The following UBE4B variants were observed in gnomAD, a reference collection of about 807,000 sequenced individuals.
The protein encoded by UBE4B is ubiquitination factor E4B.
In UBE4B, 27 loss-of-function variants were observed where a neutral mutation model predicts 148.1. That is an observed-to-expected ratio of 0.18 (90% CI 0.13 to 0.25). The LOEUF is 0.25. Among genes scored for constraint, UBE4B ranks in the 10% least tolerant of loss-of-function variants. The pLI is 1.00. For synonymous variants in UBE4B, 596 were observed against 619.3 expected, an observed-to-expected ratio of 0.96 and a Z score of 0.56; for missense variants, 1,170 against 1,662.4, an observed-to-expected ratio of 0.70 and a Z score of 5.15.
chr1:10,038,795 G>A (rs932480302), intron 1 of UBE4B, among the ~76,000 whole-genome samples: 22 of 151,954 alleles, frequency 1.4e-4, no homozygotes, highest in African/African-American at 4.4e-4. Context: ...TGCCTGTCGC[G>A]TTAAAAATTT....
rs762555563 is a variant in UBE4B, at chr1:10,149,232, G to T, written c.2640G>T (p.Leu880Phe). 1 of 1,611,150 alleles carries T rather than the reference G, an allele frequency of 6.2e-7. No homozygotes were observed. Among genetic ancestry groups the T allele is most frequent in the Admixed American group, 1.7e-5 (1 of 59,426 alleles). ...NSDVPKVFAA[L>F]PEFYVEDVAE... The stretch of plus-strand genomic sequence containing the variant: ...ATGTCCCCAAGGTATTTGCAGCGTT[G>T]CCTGAGTTTTATGTAGAAGATGTTG... Residue 880 changes from leucine (L) to phenylalanine (F), a missense_variant, in exon 20 of 28, where the codon TTG becomes TTT. By Grantham distance (22) the Leu-to-Phe change is conservative. Around this residue, in one of 6 missense-constraint regions of UBE4B, gnomAD observed 348 missense variants for 627.2 expected, o/e 0.55. Transcript: ENST00000343090.
intron 1 of UBE4B, among the ~76,000 whole-genome samples, chr1:10,067,235 T>G (rs1016266538): frequency 1.3e-5 from 2 of 152,100 alleles, no homozygotes; most frequent in African/African-American, 4.8e-5. Flanking sequence ...TATAACAGAT[T>G]AGGAGAAAGC....
intron 15 of UBE4B, among the ~76,000 whole-genome samples, chr1:10,133,085 G>A (rs1048155309): frequency 6.6e-6 from 1 of 152,156 alleles, no homozygotes; most frequent in African/African-American, 2.4e-5. Flanking sequence ...ACCCAAGGGG[G>A]CAGCCAGGAA....
intron 1 of UBE4B, among the ~76,000 whole-genome samples, chr1:10,069,833 T>G (rs548304617): frequency 6.6e-6 from 1 of 152,190 alleles, no homozygotes; most frequent in African/African-American, 2.4e-5. Context: ...AGATGTGCAG[T>G]GTACGGATGT....
intron 2 of UBE4B, among the ~76,000 whole-genome samples, chr1:10,082,146 T>C (rs999748175): frequency 7.2e-5 from 11 of 152,172 alleles, no homozygotes; most frequent in African/African-American, 2.2e-4. Flanking sequence ...TATTTAAATC[T>C]CCCTATGCAG....
intron 24 of UBE4B, 135 bp from the exon 25 acceptor site, chr1:10,171,003 A>G: frequency 2.3e-6 from 2 of 851,580 alleles, no homozygotes; most frequent in South Asian, 3.9e-5. Context: ...TCTTCAGCTT[A>G]TGATACACAG....
chr1:10,108,442 A>C (rs1262276895), intron 7 of UBE4B, among the ~76,000 whole-genome samples: 1 of 152,158 alleles, frequency 6.6e-6, no homozygotes, highest in African/African-American at 2.4e-5. Flanking sequence ...ACCGAGTGAA[A>C]AGCACTACTT....
chr1:10,116,938 A>G (rs1645320622), intron 7 of UBE4B, among the ~76,000 whole-genome samples: 1 of 152,126 alleles, frequency 6.6e-6, no homozygotes, highest in African/African-American at 2.4e-5. Flanking sequence ...TGTCGATAGC[A>G]AATATGTTCA....
intron 8 of UBE4B, among the ~76,000 whole-genome samples, chr1:10,118,820 A>AT (rs1454080405): frequency 2.0e-5 from 1 of 50,980 alleles, no homozygotes; most frequent in Non-Finnish European, 4.1e-5. Context: ...GCTAATTTTT[A>AT]TGTTTTTTTT....
chr1:10,140,507 A>T (rs1388447888), intron 17 of UBE4B, among the ~76,000 whole-genome samples: 1 of 152,216 alleles, frequency 6.6e-6, no homozygotes, highest in Non-Finnish European at 1.5e-5. Context: ...ATCAGCTTAT[A>T]ATATCAATCA....
intron 2 of UBE4B, chr1:10,072,507 G>T (rs757493497): frequency 1.4e-6 from 1 of 711,830 alleles, no homozygotes; most frequent in Non-Finnish European, 2.6e-6. Context: ...TGGTTCTGCT[G>T]ATTTTATGAA....
At chr1:10,118,880 T>TTTTTTTTTG (rs1645362224) in intron 8 of UBE4B, among the ~76,000 whole-genome samples, 1 of 106,490 alleles carries the variant, frequency 9.4e-6, no homozygotes, top group African/African-American at 3.7e-5. Context: ...TTTTTTTTTT[T>TTTTTTTTTG]TTTTTTTTTT....
In UBE4B at chr1:10,132,476, G is replaced by C; in HGVS notation, c.2019G>C (p.Gln673His). 6.2e-7 allele frequency: 1 copy of C among 1,613,868 alleles called. No individual in the cohort carries two copies. The highest frequency in any genetic ancestry group is 1.3e-5 in the African/African-American group (1 of 75,040). ...AVVNANMKKAQMQTDDRLVST... is the reference protein window; with the variant it reads ...AVVNANMKKAHMQTDDRLVST... ...TCAATGCCAATATGAAGAAAGCACAGATGCAGGTAGGATTCCTACAGACTG... is the reference window on the plus strand; with the variant it reads ...TCAATGCCAATATGAAGAAAGCACACATGCAGGTAGGATTCCTACAGACTG... Residue 673 changes from glutamine to histidine, a missense_variant, in exon 15 of 28, where the codon CAG (glutamine) becomes CAC (histidine). By Grantham distance (24) the Gln-to-His change is conservative. This residue lies in a region of UBE4B where 388 missense variants were observed against 536.0 expected (regional missense o/e 0.72). Coordinates refer to ENST00000343090, the MANE Select transcript of UBE4B (RefSeq NM_001105562.3).
At chr1:10,151,600 A>T in intron 21 of UBE4B, 39 bp downstream of exon 21, 1 of 1,566,566 alleles carries the variant, frequency 6.4e-7, no homozygotes, top group Non-Finnish European at 8.7e-7. Flanking sequence ...TGGCAGGCCA[A>T]CTTAGGTAAG....
rs1311416672 is a variant in UBE4B, at chr1:10,168,975, G to A, written c.3333+705G>A. Among the ~76,000 whole-genome samples the A allele has an allele frequency of 1.3e-5, 2 of 152,050 alleles. No homozygotes were observed. Among genetic ancestry groups the A allele is most frequent in the Non-Finnish European group, 2.9e-5 (2 of 68,004 alleles). On this transcript the variant is annotated intron_variant, in intron 24 of 27. Coordinates refer to ENST00000343090, the MANE Select transcript of UBE4B (RefSeq NM_001105562.3). The surrounding 1 kb of genome is among the most constrained non-coding windows in gnomAD (Gnocchi z 4.9). ...GATATTAAGTAGAATAATTGAGACC[G>A]TGTAAAATCTTTGGCTCTCTTAGCT...
At chr1:10,042,084 G>A (rs1008837573) in intron 1 of UBE4B, among the ~76,000 whole-genome samples, 6 of 152,144 alleles carry the variant, frequency 3.9e-5, no homozygotes, top group Admixed American at 2.0e-4. Flanking sequence ...ACAGGCGCCC[G>A]CCGCCAGGCC....
At chr1:10,034,412 T>C (rs1643421884) in intron 1 of UBE4B, among the ~76,000 whole-genome samples, 1 of 152,198 alleles carries the variant, frequency 6.6e-6, no homozygotes, top group African/African-American at 2.4e-5. Context: ...TGTTCTCATT[T>C]CTTAAAGGAG....
chr1:10,178,904 AT>A, intron 26 of UBE4B, 86 bp downstream of exon 26: 1 of 1,408,846 alleles, frequency 7.1e-7, no homozygotes, highest in East Asian at 2.5e-5. Context: ...TGTGCAATTA[AT>A]TTTTTAATGG....
At chr1:10,059,964 T>C (rs1248401234) in intron 1 of UBE4B, among the ~76,000 whole-genome samples, 2 of 152,080 alleles carry the variant, frequency 1.3e-5, no homozygotes, top group African/African-American at 4.8e-5. Flanking sequence ...ACTAAGACCC[T>C]GCTTGAGTAG....
Sources: allele counts gnomAD v4.1 joint callset (sites outside exome capture counted in the v4.1 genomes callset), GRCh38; gene constraint gnomAD v4.1.1; regional missense constraint gnomAD v4.1.1; non-coding constraint Gnocchi (gnomAD v3.1); transcripts MANE v1.5; gene names NCBI Gene and HGNC (gene_info 2026-07-23, HGNC 2026-07-21).